AP1G1: variants seen among roughly 807,000 people sequenced by gnomAD.
AP1G1 encodes the protein adaptor related protein complex 1 subunit gamma 1.
Under a neutral mutation model 108.3 loss-of-function variants are expected in AP1G1, and 7 were observed. The observed-to-expected ratio is 0.06, with a 90% confidence interval of 0.04 to 0.12. AP1G1 has a LOEUF of 0.12. Ranked by LOEUF, AP1G1 falls within the 10% of genes least tolerant of loss-of-function variation. The probability of loss-of-function intolerance (pLI) is 1.00; values close to 1 mark genes in which losing one functional copy is unlikely to be tolerated. For synonymous variants in AP1G1, 379 were observed against 353.5 expected (o/e 1.07, Z -0.81); for missense variants, 756 against 1,010.7 (o/e 0.75, Z 3.42).
intron 10 of AP1G1, among the ~76,000 whole-genome samples, chr16:71,759,450 G>C (rs2030969295): frequency 6.6e-6 from 1 of 151,778 alleles, no homozygotes; most frequent in Non-Finnish European, 1.5e-5. Context: ...GACAGAGCGA[G>C]ACTCTGTCTC....
chr16:71,770,310 T>C (rs1025685847), intron 5 of AP1G1, among the ~76,000 whole-genome samples: 1 of 152,256 alleles, frequency 6.6e-6, no homozygotes, highest in African/African-American at 2.4e-5. Context: ...ATTTTTCCTC[T>C]TAGCATTTAA....
intron 1 of AP1G1, among the ~76,000 whole-genome samples, chr16:71,791,840 C>A (rs1284836328): frequency 2.0e-5 from 3 of 148,122 alleles, no homozygotes; most frequent in Non-Finnish European, 4.4e-5. Flanking sequence ...CGGCTCACTG[C>A]AACCTCCACC....
At chr16:71,779,190 G>A (rs929335050) in intron 2 of AP1G1, among the ~76,000 whole-genome samples, 2 of 152,096 alleles carry the variant, frequency 1.3e-5, no homozygotes, top group Admixed American at 6.6e-5. Context: ...CTGAAGAAGT[G>A]GTTCCCAAAC....
chr16:71,797,035 T>C (rs535361345), intron 1 of AP1G1, among the ~76,000 whole-genome samples: 295 of 150,246 alleles, frequency 2.0e-3, no homozygotes, highest in Non-Finnish European at 3.3e-3. Flanking sequence ...TATATATATA[T>C]GTATGTATAT....
At chr16:71,757,949 G>C (rs1041447277) in intron 11 of AP1G1, among the ~76,000 whole-genome samples, 5 of 151,994 alleles carry the variant, frequency 3.3e-5, no homozygotes, top group Non-Finnish European at 7.4e-5. Flanking sequence ...TAGTTGCTTA[G>C]GCTCTCTCAT....
intron 1 of AP1G1, among the ~76,000 whole-genome samples, chr16:71,799,227 T>C (rs2032696928): frequency 6.6e-6 from 1 of 152,164 alleles, no homozygotes; most frequent in African/African-American, 2.4e-5. Flanking sequence ...GATAACCTAT[T>C]TAGAGAGTAA....
chr16:71,803,611 G>A (rs1256973870), intron 1 of AP1G1, among the ~76,000 whole-genome samples: 1 of 152,002 alleles, frequency 6.6e-6, no homozygotes, highest in Non-Finnish European at 1.5e-5. Context: ...CTAGGTCAGT[G>A]AAGAAAAAAA....
chr16:71,769,572 G>T lies in AP1G1; in HGVS notation c.642+51C>A, dbSNP rs1434691370. ...AAGAAGAAAATCATGTACTTTTCAGGAAAATCATTTTTCAATCAAGAAAGG... is the reference window on the plus strand; with the variant it reads ...AAGAAGAAAATCATGTACTTTTCAGTAAAATCATTTTTCAATCAAGAAAGG... On this transcript the variant is annotated intron_variant, in intron 6 of 22. Coordinates refer to ENST00000299980, the MANE Select transcript of AP1G1 (RefSeq NM_001128.6). 4 of 1,510,256 alleles carry T rather than the reference G, an allele frequency of 2.6e-6. No homozygotes were observed. The Admixed American group carries it at 5.0e-5, about 19-fold the overall frequency. The allele number at this position is 1,510,256 out of a possible 1,614,324, so 93.6% of individuals were successfully genotyped here.
intron 1 of AP1G1, among the ~76,000 whole-genome samples, chr16:71,806,926 A>C (rs2142294626): frequency 6.6e-6 from 1 of 152,366 alleles, no homozygotes; most frequent in East Asian, 1.9e-4. Flanking sequence ...TAACCTGATA[A>C]TAATAATGCA....
rs1158470880 is a variant in AP1G1, at chr16:71,740,672, C to T, written c.2000-1331G>A. On this transcript the variant is annotated intron_variant, in intron 19 of 22. Coordinates refer to ENST00000299980, the MANE Select transcript of AP1G1 (RefSeq NM_001128.6). Reference sequence around the variant, plus strand: ...AAAAAGGTGCAAAAAAGAACACATTCAGTTGGATACCTTGTCTAAAAAGGT... The same window carrying T: ...AAAAAGGTGCAAAAAAGAACACATTTAGTTGGATACCTTGTCTAAAAAGGT... Among the ~76,000 whole-genome samples, 10 of 152,162 alleles carry T rather than the reference C, an allele frequency of 6.6e-5. No individual in the cohort carries two copies. In the South Asian group the frequency reaches 1.5e-3, roughly 22 times the overall value.
chr16:71,751,638 G>C (rs1318822293), intron 13 of AP1G1, among the ~76,000 whole-genome samples: 1 of 152,070 alleles, frequency 6.6e-6, no homozygotes, highest in African/African-American at 2.4e-5. Context: ...GTAAAGCAGA[G>C]TGCATTAAAT....
intron 21 of AP1G1, among the ~76,000 whole-genome samples, chr16:71,738,641 C>T (rs1320406167): frequency 6.6e-6 from 1 of 152,146 alleles, no homozygotes; most frequent in African/African-American, 2.4e-5. Flanking sequence ...TTACTAAAGC[C>T]TAACCTATCC....
rs369650759 is a variant in AP1G1 at position 71,734,712 on chromosome 16, G to C, written c.2269-5C>G. The stretch of plus-strand genomic sequence containing the variant: ...CAAGAGCTGCAGCTGGAATGTCTAG[G>C]GGGGAACAAAGGGCACTCTTCAGAA... On this transcript the variant is annotated splice_polypyrimidine_tract_variant and splice_region_variant and intron_variant, in intron 21 of 22. Transcript: ENST00000299980. 61 of 1,611,572 alleles carry C rather than the reference G, an allele frequency of 3.8e-5. No homozygotes were observed. The highest frequency in any genetic ancestry group is 2.1e-4 in the African/African-American group (16 of 74,970).
intron 13 of AP1G1, among the ~76,000 whole-genome samples, chr16:71,753,326 A>G (rs2030605529): frequency 1.3e-5 from 2 of 152,182 alleles, no homozygotes; most frequent in Admixed American, 1.3e-4. Flanking sequence ...GCTTCCTAAC[A>G]TATTCAAAAT....
intron 6 of AP1G1, among the ~76,000 whole-genome samples, chr16:71,766,643 T>C (rs1228286926): frequency 1.3e-5 from 2 of 152,278 alleles, no homozygotes; most frequent in South Asian, 2.1e-4. Flanking sequence ...AACTCAGTTA[T>C]TTTTTCTCAC....
intron 1 of AP1G1, 131 bp from the exon 2 acceptor site, chr16:71,789,613 T>C: frequency 2.3e-6 from 2 of 880,822 alleles, no homozygotes; most frequent in Non-Finnish European, 3.5e-6. Flanking sequence ...TTAGCGAAGC[T>C]AAACAAAGCG....
chr16:71,767,730 A>G, intron 6 of AP1G1: 2 of 755,190 alleles, frequency 2.6e-6, no homozygotes, highest in Non-Finnish European at 4.1e-6. Context: ...CTAGGAAGTT[A>G]GCCAAAGATG....
intron 2 of AP1G1, among the ~76,000 whole-genome samples, chr16:71,785,779 G>A (rs977531486): frequency 1.3e-5 from 2 of 152,034 alleles, no homozygotes; most frequent in African/African-American, 4.8e-5. Context: ...CTACTAGGGA[G>A]GCTGAGGAAG....
intron 1 of AP1G1, among the ~76,000 whole-genome samples, chr16:71,796,785 T>C (rs557376889): frequency 1.1e-3 from 173 of 152,248 alleles, no homozygotes; most frequent in African/African-American, 3.9e-3. Context: ...TGCTTAATTA[T>C]CCATAACCAA....
Sources: allele counts gnomAD v4.1 joint callset (sites outside exome capture counted in the v4.1 genomes callset), GRCh38; gene constraint gnomAD v4.1.1; transcripts MANE v1.5; gene names NCBI Gene and HGNC (gene_info 2026-07-23, HGNC 2026-07-21).